Variants in SUPT3H observed in about 807,000 individuals in gnomAD.
The protein encoded by SUPT3H is transcription initiation protein SPT3 homolog.
In SUPT3H, 44 loss-of-function variants were observed where a neutral mutation model predicts 44.3. That is an observed-to-expected ratio of 0.99 (90% CI 0.78 to 1.28). The LOEUF (loss-of-function observed/expected upper bound fraction) is 1.28, where lower values mean the gene tolerates loss of function less well. Ranked by LOEUF, SUPT3H falls within the 50% of genes most tolerant of loss-of-function variation. The probability of loss-of-function intolerance (pLI) is 0.00; values close to 1 mark genes in which losing one functional copy is unlikely to be tolerated. For synonymous variants in SUPT3H, 124 were observed against 125.6 expected (o/e 0.99, Z 0.09); for missense variants, 380 against 387.1 (o/e 0.98, Z 0.15).
chr6:45,248,150 A>C (rs1173917269), intron 2 of SUPT3H, among the ~76,000 whole-genome samples: 6 of 152,154 alleles, frequency 3.9e-5, no homozygotes, highest in Non-Finnish European at 5.9e-5. Context: ...TAGAGAAAAA[A>C]CTGAAGAAAA....
intron 2 of SUPT3H, among the ~76,000 whole-genome samples, chr6:45,297,295 G>A (rs1219264864): frequency 6.6e-6 from 1 of 152,088 alleles, no homozygotes; most frequent in African/African-American, 2.4e-5. Context: ...GAAATCAACT[G>A]TATTCAGAGT....
chr6:45,255,497 A>G (rs529242056), intron 2 of SUPT3H, among the ~76,000 whole-genome samples: 2 of 150,338 alleles, frequency 1.3e-5, no homozygotes, highest in South Asian at 2.1e-4. Flanking sequence ...TCATAGCTCA[A>G]TGAAGCTTTG....
intron 2 of SUPT3H, among the ~76,000 whole-genome samples, chr6:45,182,336 C>G (rs1813417494): frequency 6.6e-6 from 1 of 152,204 alleles, no homozygotes; most frequent in African/African-American, 2.4e-5. Flanking sequence ...TCTCGACTCA[C>G]TGCAACCTCC....
chr6:44,888,353 G>T (rs944127261), intron 10 of SUPT3H, among the ~76,000 whole-genome samples: 2 of 152,052 alleles, frequency 1.3e-5, no homozygotes, highest in Admixed American at 1.3e-4. Flanking sequence ...GAACATTGAT[G>T]CAAAAATCCT....
chr6:45,358,871 A>C (rs1273566819), intron 2 of SUPT3H, among the ~76,000 whole-genome samples: 1 of 152,160 alleles, frequency 6.6e-6, no homozygotes, highest in Non-Finnish European at 1.5e-5. Context: ...TACAGCATGG[A>C]TCTACCATCA....
intron 2 of SUPT3H, among the ~76,000 whole-genome samples, chr6:45,191,726 G>C (rs1180417082): frequency 6.6e-6 from 1 of 151,972 alleles, no homozygotes; most frequent in Non-Finnish European, 1.5e-5. Context: ...CTTTAAGAGA[G>C]AAAAAGTTAG....
chr6:44,845,606 G>A (rs1050864300), intron 10 of SUPT3H, among the ~76,000 whole-genome samples: 4 of 152,152 alleles, frequency 2.6e-5, no homozygotes, highest in East Asian at 1.9e-4. Context: ...GGTCCACCAC[G>A]CCCCGATCCT....
chr6:44,888,479 G>C (rs1207767371), intron 10 of SUPT3H, among the ~76,000 whole-genome samples: 1 of 152,128 alleles, frequency 6.6e-6, no homozygotes, highest in Non-Finnish European at 1.5e-5. Context: ...ATCAATAAAA[G>C]TAATCCAGCA....
chr6:44,945,549 A>T (rs949833134), intron 9 of SUPT3H, among the ~76,000 whole-genome samples: 2 of 152,220 alleles, frequency 1.3e-5, no homozygotes, highest in Admixed American at 6.5e-5. Context: ...CTTATTGCTG[A>T]TATGGAGAAT....
At chr6:45,320,321 T>C (rs1162464133) in intron 2 of SUPT3H, among the ~76,000 whole-genome samples, 2 of 152,106 alleles carry the variant, frequency 1.3e-5, no homozygotes, top group African/African-American at 4.8e-5. Context: ...TGTAGTGCAG[T>C]GGCAAGTACA....
At chr6:45,070,325 C>G (rs1162268590) in intron 3 of SUPT3H, among the ~76,000 whole-genome samples, 4 of 152,134 alleles carry the variant, frequency 2.6e-5, no homozygotes, top group Non-Finnish European at 5.9e-5. Context: ...CAGAAGATTT[C>G]TGATCTTTCA....
chr6:44,834,868 A>C (rs1367365644), intron 10 of SUPT3H, among the ~76,000 whole-genome samples: 1 of 152,048 alleles, frequency 6.6e-6, no homozygotes, highest in African/African-American at 2.4e-5. Context: ...GAGTTGGCGG[A>C]GGGGCGGTTA....
chr6:44,996,334 A>C (rs188030542), intron 6 of SUPT3H, among the ~76,000 whole-genome samples: 1 of 151,742 alleles, frequency 6.6e-6, no homozygotes, highest in Admixed American at 6.6e-5. Flanking sequence ...ATCCTTTGCC[A>C]ATTTTCCTAC....
At position 44,829,682 on chromosome 6, in the gene SUPT3H, G is replaced by T; in HGVS notation, c.*134C>A. ...GCTGGAAAAGAGGAGGAGTCAGCAAGTTGAAAGTCACAACAGACCAGCCCA... is the reference window on the plus strand; with the variant it reads ...GCTGGAAAAGAGGAGGAGTCAGCAATTTGAAAGTCACAACAGACCAGCCCA... On this transcript the variant is annotated 3_prime_UTR_variant, in exon 11 of 11. Coordinates refer to ENST00000371459, the MANE Select transcript of SUPT3H (RefSeq NM_003599.4). The T allele has an allele frequency of 1.0e-6, 1 of 963,426 alleles. No homozygotes were observed. Among genetic ancestry groups the T allele is most frequent in the Non-Finnish European group, 1.6e-6 (1 of 634,746 alleles). The allele number at this position is 963,426 out of a possible 1,614,324, so 59.7% of individuals were successfully genotyped here.
chr6:44,860,067 C>T (rs1429640873), intron 10 of SUPT3H, among the ~76,000 whole-genome samples: 1 of 152,160 alleles, frequency 6.6e-6, no homozygotes, highest in Non-Finnish European at 1.5e-5. Flanking sequence ...CTGAGATAAG[C>T]ACAGCTCTTC....
At chr6:45,321,897 A>C in intron 2 of SUPT3H, 1 of 1,510,006 alleles carries the variant, frequency 6.6e-7, no homozygotes, top group Non-Finnish European at 9.0e-7. Flanking sequence ...TGAAGCTAGA[A>C]AAAAAATTGT....
intron 3 of SUPT3H, among the ~76,000 whole-genome samples, chr6:45,089,472 CT>C (rs1796875823): frequency 6.6e-6 from 1 of 152,024 alleles, no homozygotes; most frequent in Non-Finnish European, 1.5e-5. Context: ...TAAAACCCTT[CT>C]TCTTCTGCGT....
intron 10 of SUPT3H, among the ~76,000 whole-genome samples, chr6:44,859,957 G>A (rs1774355620): frequency 1.3e-5 from 2 of 152,178 alleles, no homozygotes; most frequent in African/African-American, 4.8e-5. Context: ...AGAAAAATGA[G>A]ATTGGGGAAT....
Position 44,827,210 on chromosome 6 carries a change from A to G in SUPT3H, c.*2606T>C, listed in dbSNP as rs1767853667. Among the ~76,000 whole-genome samples the G allele has an allele frequency of 6.6e-6, 1 of 152,158 alleles. No homozygotes were observed. The highest frequency in any genetic ancestry group is 2.4e-5 in the African/African-American group (1 of 41,448). ...TGACTTAGAGTTAAGCCTGATGTGT[A>G]AGATAACAGACTGTTTACTTAATAC... On this transcript the variant is annotated 3_prime_UTR_variant, in exon 11 of 11. Coordinates refer to ENST00000371459, the MANE Select transcript of SUPT3H (RefSeq NM_003599.4).
Sources: allele counts gnomAD v4.1 joint callset (sites outside exome capture counted in the v4.1 genomes callset), GRCh38; gene constraint gnomAD v4.1.1; transcripts MANE v1.5; gene names NCBI Gene and HGNC (gene_info 2026-07-23, HGNC 2026-07-21).